The following USP13 variants were observed in gnomAD, a reference collection of about 807,000 sequenced individuals.
USP13 encodes the protein ubiquitin specific peptidase 13.
In USP13, 68 loss-of-function variants were observed where a neutral mutation model predicts 107.8. The ratio of observed to expected loss-of-function variants is 0.63; its 90% CI spans 0.52 to 0.77. USP13 has a LOEUF of 0.77. Ranked by LOEUF, USP13 falls within the 30% of genes least tolerant of loss-of-function variation. USP13 has a pLI of 0.00. For missense variants in USP13, 945 were observed against 1,093.3 expected, an observed-to-expected ratio of 0.86 and a Z score of 1.91; for synonymous variants, 377 against 389.5, an observed-to-expected ratio of 0.97 and a Z score of 0.38.
chr3:179,723,997 TAA>T (rs398040150), intron 8 of USP13, among the ~76,000 whole-genome samples: 1 of 140,740 alleles, frequency 7.1e-6, no homozygotes. Flanking sequence ...TACAAAAATT[TAA>T]AAAAAAAAAA....
chr3:179,707,035 C>T lies in USP13; in HGVS notation c.579C>T (p.Asn193=), dbSNP rs145278369. The T allele has an allele frequency of 1.2e-6, 2 of 1,614,026 alleles. No homozygotes were observed. Among genetic ancestry groups the T allele is most frequent in the Admixed American group, 3.3e-5 (2 of 60,006 alleles). The change falls in exon 5 of 21, where the codon AAC becomes AAT. Residue 193 remains asparagine, a synonymous_variant. Transcript: ENST00000263966. ...AATTGCCAGTATCTAAATATGCCAA[C>T]AACCTCACCCAGCTGGACAATGGAG... ...ENELPVSKYA[N]NLTQLDNGVR...
chr3:179,746,239 C>T (rs1156490804), intron 13 of USP13, among the ~76,000 whole-genome samples: 2 of 145,710 alleles, frequency 1.4e-5, no homozygotes, highest in African/African-American at 2.5e-5. Context: ...TATATATATA[C>T]ATATAATATA....
rs145328250 is a variant in USP13, at chr3:179,689,157, C to T, written c.295-1084C>T. ...CCTGTGGCTGCTTGGAATGATGCGG[C>T]GTTAAACCCACACATGGTGGTCTGC... On this transcript the variant is annotated intron_variant, in intron 2 of 20. Transcript: ENST00000263966. 2.5e-3 allele frequency among the ~76,000 whole-genome samples: 386 copies of T among 152,214 alleles called. 1 individual carries two copies. Among genetic ancestry groups the T allele is most frequent in the Admixed American group, 5.7e-3 (87 of 15,292 alleles).
intron 10 of USP13, among the ~76,000 whole-genome samples, 179 bp from the exon 11 acceptor site, chr3:179,740,068 C>T (rs2108511493): frequency 6.6e-6 from 1 of 152,246 alleles, no homozygotes; most frequent in East Asian, 1.9e-4. Context: ...GTTCATAGTG[C>T]AGGGCCTGGC....
intron 10 of USP13, among the ~76,000 whole-genome samples, chr3:179,738,213 C>T (rs1425984888): frequency 6.6e-6 from 1 of 152,156 alleles, no homozygotes; most frequent in Admixed American, 6.5e-5. Flanking sequence ...GTGCTCTGGA[C>T]TTCAGAGGAG....
rs1715993841 is a variant in USP13 at position 179,789,367 on chromosome 3, C to T, written c.*5226C>T. On this transcript the variant is annotated 3_prime_UTR_variant, in exon 21 of 21. Coordinates refer to ENST00000263966, the MANE Select transcript of USP13 (RefSeq NM_003940.3). ...GGAAAGAGAGATGGATGATTTATTG[C>T]TTCAATTGTTTTAAATTAAAAGCTA... The T allele has an allele frequency of 6.6e-6, 1 of 152,184 alleles. No individual in the cohort carries two copies. The highest frequency in any genetic ancestry group is 2.4e-5 in the African/African-American group (1 of 41,444). 9.4% of individuals were successfully genotyped at this position (152,184 alleles called of 1,614,324 possible).
chr3:179,691,935 C>T (rs1712130517), intron 3 of USP13, among the ~76,000 whole-genome samples: 1 of 152,134 alleles, frequency 6.6e-6, no homozygotes, highest in South Asian at 2.1e-4. Context: ...TGCCTAAATG[C>T]CTCAGATTAT....
Position 179,761,757 on chromosome 3 carries a change from C to A in USP13, c.2092+502C>A, listed in dbSNP as rs192829969. Among the ~76,000 whole-genome samples the A allele has an allele frequency of 5.2e-3, 797 of 151,858 alleles. 7 individuals are homozygous for A. Among genetic ancestry groups the A allele is most frequent in the African/African-American group, 0.018 (747 of 41,458 alleles). ...ACAAACAAAAAAACAACAAAAAAAACCCCAAACAGCTTTATTGAGATATAA... is the reference window on the plus strand; with the variant it reads ...ACAAACAAAAAAACAACAAAAAAAAACCCAAACAGCTTTATTGAGATATAA... On this transcript the variant is annotated intron_variant, in intron 17 of 20. Transcript: ENST00000263966.
intron 17 of USP13, 88 bp from the exon 18 acceptor site, chr3:179,763,914 A>T: frequency 6.9e-7 from 1 of 1,439,290 alleles, no homozygotes. Flanking sequence ...ATAACTTTGT[A>T]GAATCATGTT....
In USP13 at chr3:179,760,937, A is replaced by G. The variant is rs151191137; in HGVS notation, c.1949-175A>G. 3.3e-5 allele frequency among the ~76,000 whole-genome samples: 5 copies of G among 152,362 alleles called. No homozygotes were observed. In the East Asian group the frequency reaches 5.8e-4, roughly 18 times the overall value. On this transcript the variant is annotated intron_variant, in intron 16 of 20. Coordinates refer to ENST00000263966, the MANE Select transcript of USP13 (RefSeq NM_003940.3). ...GGGTCAAAGATATAAACTTAGCCCA[A>G]ATAGCTTTAATATTTGTGTGGCTTA... is the stretch of plus-strand genomic sequence containing the variant.
chr3:179,752,706 G>T (rs911355937), intron 14 of USP13, among the ~76,000 whole-genome samples: 1 of 152,200 alleles, frequency 6.6e-6, no homozygotes, highest in African/African-American at 2.4e-5. Context: ...GATTGGGCAG[G>T]TCTGGAGTGG....
chr3:179,706,967 A>G lies in USP13; in HGVS notation c.511A>G (p.Lys171Glu), dbSNP rs1712741229. 1.2e-6 allele frequency: 2 copies of G among 1,614,112 alleles called. No individual in the cohort carries two copies. The highest frequency in any genetic ancestry group is 1.7e-6 in the Non-Finnish European group (2 of 1,180,008). Residue 171 changes from lysine to glutamate, a missense_variant, in exon 5 of 21, where the codon AAA becomes GAA. Lys to Glu is a moderately conservative substitution (Grantham distance 56, BLOSUM62 1). Coordinates refer to ENST00000263966, the MANE Select transcript of USP13 (RefSeq NM_003940.3). ...TGCTTGTGATGCAGTTCTCAGCTCA[A>G]AATCTCCATACAGAAAGCAGGACCC... Reference protein sequence around the residue: ...TIACDAVLSSKSPYRKQDPDT... With the variant: ...TIACDAVLSSESPYRKQDPDT...
intron 10 of USP13, among the ~76,000 whole-genome samples, chr3:179,732,099 C>T (rs2108505576): frequency 6.6e-6 from 1 of 152,146 alleles, no homozygotes; most frequent in South Asian, 2.1e-4. Flanking sequence ...GAATGGCAAG[C>T]CCAGGAGACC....
chr3:179,764,090 A>G lies in USP13; in HGVS notation c.2181A>G (p.Gln727=). 3.7e-6 allele frequency: 6 copies of G among 1,613,870 alleles called. No individual in the cohort carries two copies. The highest frequency in any genetic ancestry group is 1.3e-5 in the African/African-American group (1 of 74,912). The change falls in exon 18 of 21, where the codon CAA becomes CAG. Residue 727 remains glutamine, a synonymous_variant. Transcript: ENST00000263966. Reference sequence around the variant, plus strand: ...TTGGTGCTTCTGGACTGGATAACCAACCTCCAGAGGAAATCGTAGCTATCA... The same window carrying G: ...TTGGTGCTTCTGGACTGGATAACCAGCCTCCAGAGGAAATCGTAGCTATCA... ...SVFGASGLDN[Q]PPEEIVAIIT...
At chr3:179,711,115 G>A (rs1712908058) in intron 6 of USP13, among the ~76,000 whole-genome samples, 1 of 152,152 alleles carries the variant, frequency 6.6e-6, no homozygotes, top group Admixed American at 6.5e-5. Context: ...ACCTCTTACT[G>A]TAATGTTTTT....
At position 179,787,913 on chromosome 3, in the gene USP13, G is replaced by C. The variant is rs1211568548; in HGVS notation, c.*3772G>C. ...CCAGCCCCACTTTTTTTCTACTCTT[G>C]AAAAAAACAACTTTCTAGTCCATGA... On this transcript the variant is annotated 3_prime_UTR_variant, in exon 21 of 21. Transcript: ENST00000263966. 1 of 151,746 alleles carries C rather than the reference G, an allele frequency of 6.6e-6. No homozygotes were observed. The highest frequency in any genetic ancestry group is 1.5e-5 in the Non-Finnish European group (1 of 67,948). The allele number at this position is 151,746 out of a possible 1,614,324, so 9.4% of individuals were successfully genotyped here.
chr3:179,711,058 G>C (rs936918289), intron 6 of USP13, among the ~76,000 whole-genome samples: 3 of 152,022 alleles, frequency 2.0e-5, no homozygotes, highest in South Asian at 2.1e-4. Context: ...CCATACACTT[G>C]GCTACACTAA....
rs571155013 is a variant in USP13, at chr3:179,782,391, G to T, written c.2498+568G>T. Among the ~76,000 whole-genome samples the T allele has an allele frequency of 2.5e-3, 376 of 152,314 alleles. 1 individual carries two copies. Among genetic ancestry groups the T allele is most frequent in the Non-Finnish European group, 3.8e-3 (261 of 68,036 alleles). Reference sequence around the variant, plus strand: ...TGCTTTGCCTTACTACAGCCTTGCAGTTGGCTTCTCAGCCTTCTTAAGTAG... The same window carrying T: ...TGCTTTGCCTTACTACAGCCTTGCATTTGGCTTCTCAGCCTTCTTAAGTAG... On this transcript the variant is annotated intron_variant, in intron 20 of 20. Transcript: ENST00000263966.
intron 8 of USP13, among the ~76,000 whole-genome samples, chr3:179,725,547 G>A (rs1161257108): frequency 6.6e-6 from 1 of 151,914 alleles, no homozygotes. Context: ...GACAGCAGGT[G>A]CCTAGAAGTT....
Sources: gnomAD v4.1 joint callset for allele counts (sites outside exome capture counted in the v4.1 genomes callset) on GRCh38, gnomAD v4.1.1 for gene constraint, MANE v1.5 for transcripts, NCBI Gene and HGNC (gene_info 2026-07-23, HGNC 2026-07-21) for gene names.